ADK: variants seen among roughly 807,000 people sequenced by gnomAD.
ADK encodes the protein N6,N6-dimethyladenosine kinase.
Under a neutral mutation model 44.7 loss-of-function variants are expected in ADK, and 24 were observed. The ratio of observed to expected loss-of-function variants is 0.54; its 90% CI spans 0.39 to 0.76. ADK has a LOEUF of 0.76. Among genes scored for constraint, ADK ranks in the 30% least tolerant of loss-of-function variants. The pLI is 0.00. For missense variants in ADK, 321 were observed against 425.1 expected (o/e 0.76, Z 2.15); for synonymous variants, 128 against 142.6 (o/e 0.90, Z 0.73).
At chr10:74,637,867 T>A (rs1009144841) in intron 9 of ADK, among the ~76,000 whole-genome samples, 7 of 152,328 alleles carry the variant, frequency 4.6e-5, no homozygotes, top group African/African-American at 1.7e-4. Flanking sequence ...AGAATTGATA[T>A]GTTTGTTGTT....
intron 3 of ADK, among the ~76,000 whole-genome samples, chr10:74,313,102 T>C (rs1285879556): frequency 6.6e-6 from 1 of 152,054 alleles, no homozygotes; most frequent in Non-Finnish European, 1.5e-5. Context: ...TTGCTTTAGT[T>C]TGATTTTTTA....
chr10:74,586,460 G>A (rs547443105), intron 7 of ADK, among the ~76,000 whole-genome samples: 2 of 152,164 alleles, frequency 1.3e-5, no homozygotes, highest in Admixed American at 1.3e-4. Context: ...AGTGTCCTAG[G>A]GCCTGGTTTC....
At chr10:74,344,097 G>C (rs1465742404) in intron 4 of ADK, among the ~76,000 whole-genome samples, 2 of 152,076 alleles carry the variant, frequency 1.3e-5, no homozygotes, top group Non-Finnish European at 2.9e-5. Flanking sequence ...ATTTTGTTGA[G>C]GATTTTTGCA....
chr10:74,650,861 C>T (rs1854237817), intron 9 of ADK, among the ~76,000 whole-genome samples: 2 of 152,262 alleles, frequency 1.3e-5, no homozygotes, highest in African/African-American at 4.8e-5. Context: ...TAAATAGTAT[C>T]CTCTAAAGCT....
At chr10:74,302,407 C>T (rs1262020382) in intron 3 of ADK, among the ~76,000 whole-genome samples, 1 of 151,688 alleles carries the variant, frequency 6.6e-6, no homozygotes. Context: ...TAGGCATGAG[C>T]CACTGCCCCC....
chr10:74,570,287 G>A lies in ADK; in HGVS notation c.727-18995G>A, dbSNP rs1333529672. Among the ~76,000 whole-genome samples the A allele has an allele frequency of 2.0e-5, 3 of 152,168 alleles. No homozygotes were observed. In the East Asian group the frequency reaches 5.8e-4, roughly 29 times the overall value. On this transcript the variant is annotated intron_variant, in intron 7 of 10. Transcript: ENST00000539909. ...TTTTTGATTCCATATGAACTTTAAA[G>A]TAGTTTTTTCCAATTCTGTGAAGAA... is the stretch of plus-strand genomic sequence containing the variant.
At chr10:74,432,162 C>A (rs954261462) in intron 6 of ADK, among the ~76,000 whole-genome samples, 3 of 152,144 alleles carry the variant, frequency 2.0e-5, no homozygotes, top group Non-Finnish European at 4.4e-5. Flanking sequence ...CCACTGCACT[C>A]CAGCCTGAGC....
chr10:74,215,070 C>T (rs1335211081), intron 2 of ADK, among the ~76,000 whole-genome samples: 1 of 152,096 alleles, frequency 6.6e-6, no homozygotes, highest in African/African-American at 2.4e-5. Flanking sequence ...CTTCCCTGTG[C>T]TCCCTCTTGC....
At chr10:74,579,946 A>G (rs894523523) in intron 7 of ADK, among the ~76,000 whole-genome samples, 4 of 152,212 alleles carry the variant, frequency 2.6e-5, no homozygotes, top group South Asian at 2.1e-4. Flanking sequence ...AGTACTCAAA[A>G]GAATATTACA....
chr10:74,359,268 C>G (rs1009607725), intron 4 of ADK, among the ~76,000 whole-genome samples: 3 of 152,062 alleles, frequency 2.0e-5, no homozygotes, highest in African/African-American at 4.8e-5. Flanking sequence ...GCAGCTTTCT[C>G]TTTTTGCTCA....
intron 3 of ADK, among the ~76,000 whole-genome samples, chr10:74,247,224 G>GTTTTTTTTTTTTTTT (rs142274121): frequency 1.8e-4 from 13 of 72,004 alleles, no homozygotes; most frequent in East Asian, 4.5e-4. Context: ...TTTTTTTTAA[G>GTTTTTTTTTTTTTTT]TTTTTTTTTT....
chr10:74,154,989 C>G (rs1841708268), intron 1 of ADK, among the ~76,000 whole-genome samples: 1 of 152,204 alleles, frequency 6.6e-6, no homozygotes, highest in Non-Finnish European at 1.5e-5. Context: ...AAGCCCATAT[C>G]ATTACTCCAT....
rs1024470097 is a variant in ADK, at chr10:74,708,361, A to G, written c.1005A>G (p.Glu335=). ...SQLVSDKPLT[E]CIRAGHYAAS... ...TGGTCTCTGACAAGCCTCTGACTGA[A>G]TGTATCCGTGCTGGCCACTATGCAG... is the stretch of plus-strand genomic sequence containing the variant. The change falls in exon 11 of 11, where the codon GAA becomes GAG. Residue 335 remains glutamate (E), a synonymous_variant. Transcript: ENST00000539909. 2 of 1,612,530 alleles carry G rather than the reference A, an allele frequency of 1.2e-6. No individual in the cohort carries two copies. The highest frequency in any genetic ancestry group is 1.7e-6 in the Non-Finnish European group (2 of 1,179,578).
At chr10:74,289,647 T>C (rs1246703959) in intron 3 of ADK, among the ~76,000 whole-genome samples, 1 of 152,158 alleles carries the variant, frequency 6.6e-6, no homozygotes, top group Non-Finnish European at 1.5e-5. Context: ...ACTCCTCTTA[T>C]CATTTTGTAT....
chr10:74,416,031 TATACACACACAC>T (rs1462323866), intron 6 of ADK, among the ~76,000 whole-genome samples: 2 of 82,804 alleles, frequency 2.4e-5, no homozygotes, highest in African/African-American at 7.1e-5. Flanking sequence ...CACATACATA[TATACACACACAC>T]ACACACACAC....
chr10:74,309,084 CTT>C (rs919098760), intron 3 of ADK, among the ~76,000 whole-genome samples: 2 of 151,856 alleles, frequency 1.3e-5, no homozygotes, highest in African/African-American at 4.8e-5. Flanking sequence ...ATCATGAAGT[CTT>C]TTTTATTTTT....
intron 3 of ADK, among the ~76,000 whole-genome samples, chr10:74,230,291 C>G (rs1353466191): frequency 2.0e-5 from 3 of 151,270 alleles, no homozygotes; most frequent in Non-Finnish European, 4.4e-5. Flanking sequence ...TATTTTGATT[C>G]TAGAAATGAA....
At chr10:74,447,592 A>G (rs1845629666) in intron 6 of ADK, among the ~76,000 whole-genome samples, 1 of 152,172 alleles carries the variant, frequency 6.6e-6, no homozygotes, top group African/African-American at 2.4e-5. Flanking sequence ...GATCCCCTTC[A>G]CTATAGACTA....
At position 74,253,379 on chromosome 10, in the gene ADK, G is replaced by A. The variant is rs183467036; in HGVS notation, c.194+28788G>A. 3.7e-4 allele frequency among the ~76,000 whole-genome samples: 56 copies of A among 152,286 alleles called. No individual in the cohort carries two copies. The East Asian group carries it at 0.01, about 28-fold the overall frequency. On this transcript the variant is annotated intron_variant, in intron 3 of 10. Coordinates refer to ENST00000539909, the MANE Select transcript of ADK (RefSeq NM_006721.4). ...CATTGGGTCATTGCCATGGAAAGTG[G>A]TGGTAACTCCTGGGTGTTCTCATAG...
Sources: allele counts gnomAD v4.1 joint callset (sites outside exome capture counted in the v4.1 genomes callset), GRCh38; gene constraint gnomAD v4.1.1; transcripts MANE v1.5; gene names NCBI Gene and HGNC (gene_info 2026-07-23, HGNC 2026-07-21).